EML5: variants seen among roughly 807,000 people sequenced by gnomAD.
EML5 encodes the protein EMAP like 5, also known as echinoderm microtubule-associated protein-like 5.
In EML5, 120 loss-of-function variants were observed where a neutral mutation model predicts 250.0. The observed-to-expected ratio is 0.48, with a 90% CI of 0.41 to 0.56. The LOEUF is 0.56. Among genes scored for constraint, EML5 ranks in the 20% least tolerant of loss-of-function variants. EML5 has a pLI of 0.00. For missense variants in EML5, 2,006 were observed against 2,437.6 expected (o/e 0.82, Z 3.73); for synonymous variants, 771 against 806.5 (o/e 0.96, Z 0.75).
At chr14:88,702,683 CA>C in intron 13 of EML5, 51 bp from the exon 14 acceptor site, 2 of 1,321,268 alleles carry the variant, frequency 1.5e-6, no homozygotes, top group Non-Finnish European at 2.1e-6. Context: ...TTTATCTGAT[CA>C]ATACAGAATA....
intron 2 of EML5, among the ~76,000 whole-genome samples, chr14:88,752,910 A>G (rs1178807244): frequency 2.0e-5 from 3 of 152,148 alleles, no homozygotes; most frequent in Non-Finnish European, 4.4e-5. Flanking sequence ...TCCCCTCTCC[A>G]GTTCGCCATA....
intron 21 of EML5, among the ~76,000 whole-genome samples, chr14:88,669,665 C>A (rs2092404306): frequency 6.6e-6 from 1 of 152,186 alleles, no homozygotes; most frequent in African/African-American, 2.4e-5. Context: ...TTCCCTCTAC[C>A]AGCTCTGAGG....
At chr14:88,647,189 C>T (rs1181682125) in intron 28 of EML5, among the ~76,000 whole-genome samples, 4 of 151,788 alleles carry the variant, frequency 2.6e-5, no homozygotes, top group African/African-American at 7.3e-5. Context: ...GGTGAAATCC[C>T]GTCTCTACTA....
chr14:88,735,192 C>T (rs936856487), intron 7 of EML5, among the ~76,000 whole-genome samples: 2 of 152,124 alleles, frequency 1.3e-5, no homozygotes, highest in Admixed American at 1.3e-4. Context: ...AATCACAAAT[C>T]GCTCAATTTC....
chr14:88,727,401 A>AT (rs3055841), intron 7 of EML5, among the ~76,000 whole-genome samples: 3,608 of 131,658 alleles, frequency 0.027, 172 homozygotes, highest in African/African-American at 0.073. Flanking sequence ...GATACACTGC[A>AT]TTTTTTTTTT....
chr14:88,665,303 G>A, intron 22 of EML5, 34 bp downstream of exon 22: 1 of 1,586,208 alleles, frequency 6.3e-7, no homozygotes, highest in South Asian at 1.2e-5. Flanking sequence ...CCAGACCCAA[G>A]TTAATACTCA....
chr14:88,653,988 G>C (rs114635838), intron 27 of EML5, among the ~76,000 whole-genome samples: 1,980 of 152,136 alleles, frequency 0.013, 47 homozygotes, highest in African/African-American at 0.044. Context: ...TCTATTCAGG[G>C]ATTCCACTTC....
chr14:88,752,394 AG>A (rs563397469), intron 2 of EML5, among the ~76,000 whole-genome samples: 26 of 152,348 alleles, frequency 1.7e-4, no homozygotes, highest in African/African-American at 6.3e-4. Context: ...GCTATGAAAT[AG>A]GTATTATTTC....
In EML5 at chr14:88,763,600, C is replaced by T. The variant is rs192516848; in HGVS notation, c.198-8929G>A. 4.6e-5 allele frequency among the ~76,000 whole-genome samples: 7 copies of T among 152,308 alleles called. No homozygotes were observed. The East Asian group carries it at 1.4e-3, about 29-fold the overall frequency. ...ATACAAAGAGGAGCTGGTACCATTC[C>T]TTCCAGAACACTTCCAAACAATAGA... On this transcript the variant is annotated intron_variant, in intron 1 of 43. Coordinates refer to ENST00000554922, the MANE Select transcript of EML5 (RefSeq NM_183387.3).
At chr14:88,656,368 C>T (rs1464379833) in intron 27 of EML5, among the ~76,000 whole-genome samples, 1 of 152,042 alleles carries the variant, frequency 6.6e-6, no homozygotes, top group Non-Finnish European at 1.5e-5. Flanking sequence ...AACACAGGAA[C>T]AGAAAACCAA....
At position 88,685,015 on chromosome 14, in the gene EML5, C is replaced by A; in HGVS notation, c.2982G>T (p.Gln994His). 6.3e-7 allele frequency: 1 copy of A among 1,589,656 alleles called. No individual in the cohort carries two copies. The part of the protein sequence containing the change: ...DKSGPITLLV[Q>H]GHMEGEVWGL... ...AAAACAAATTAGCATTTAAAATTAC[C>A]TGAACCAGAAGTGTTATTGGGCCAC... The change falls in exon 20 of 44, where the codon CAG becomes CAT. Residue 994 changes from glutamine (Q) to histidine (H), a missense_variant and splice_region_variant. Physicochemically the swap from Gln to His is conservative, Grantham distance 24. Around this residue, in one of 7 missense-constraint regions of EML5, gnomAD observed 1,375 missense variants for 1,590.3 expected, o/e 0.86. Transcript: ENST00000554922.
In EML5 at chr14:88,687,080, T is replaced by C. The variant is rs543549479; in HGVS notation, c.2854+136A>G. 4 of 647,218 alleles carry C rather than the reference T, an allele frequency of 6.2e-6. No individual in the cohort carries two copies. In the East Asian group the frequency reaches 1.3e-4, roughly 20 times the overall value. The allele number at this position is 647,218 out of a possible 1,614,324, so 40.1% of individuals were successfully genotyped here. ...GCAATGATTCTGGTATCCAGTTAAGTGATTTCTTCCACTTAATTCTGATGC... is the reference window on the plus strand; with the variant it reads ...GCAATGATTCTGGTATCCAGTTAAGCGATTTCTTCCACTTAATTCTGATGC... On this transcript the variant is annotated intron_variant, in intron 19 of 43. Coordinates refer to ENST00000554922, the MANE Select transcript of EML5 (RefSeq NM_183387.3).
At chr14:88,684,892 A>G (rs1280280593) in intron 20 of EML5, 123 bp downstream of exon 20, 12 of 876,002 alleles carry the variant, frequency 1.4e-5, no homozygotes, top group Non-Finnish European at 1.8e-5. Context: ...TTTTTTCTGT[A>G]TACATTAACA....
chr14:88,746,693 A>G (rs972184762), intron 2 of EML5, among the ~76,000 whole-genome samples: 7 of 152,180 alleles, frequency 4.6e-5, no homozygotes, highest in African/African-American at 1.7e-4. Flanking sequence ...GCATCGGGTG[A>G]ATACTTGTAC....
chr14:88,788,579 C>T (rs1415959024), intron 1 of EML5, among the ~76,000 whole-genome samples: 1 of 151,164 alleles, frequency 6.6e-6, no homozygotes, highest in Non-Finnish European at 1.5e-5. Context: ...CTACTTAATA[C>T]ATAAACAATG....
intron 32 of EML5, among the ~76,000 whole-genome samples, chr14:88,638,065 A>G (rs1462909055): frequency 6.6e-6 from 1 of 152,238 alleles, no homozygotes; most frequent in African/African-American, 2.4e-5. Flanking sequence ...AGGGACCTGG[A>G]AAGCTAGCTT....
In EML5 at chr14:88,622,764, A is replaced by G. The variant is rs375050237; in HGVS notation, c.4899-46T>C. On this transcript the variant is annotated intron_variant, in intron 36 of 43. Coordinates refer to ENST00000554922, the MANE Select transcript of EML5 (RefSeq NM_183387.3). ...GAGTAAGTGTTCATTATTGGCTACT[A>G]TAATTTTTATTATAAACAAATACCA... 8 of 1,351,132 alleles carry G rather than the reference A, an allele frequency of 5.9e-6. No individual in the cohort carries two copies. The African/African-American group carries it at 5.9e-5, about 10-fold the overall frequency. The allele number at this position is 1,351,132 out of a possible 1,614,324, so 83.7% of individuals were successfully genotyped here.
chr14:88,706,183 A>G (rs2093314464), intron 11 of EML5, 76 bp downstream of exon 11: 1 of 1,349,790 alleles, frequency 7.4e-7, no homozygotes, highest in Non-Finnish European at 1.0e-6. Flanking sequence ...ATTATACTTT[A>G]ATATAAAATT....
chr14:88,740,465 T>C lies in EML5; in HGVS notation c.633A>G (p.Thr211=). The C allele has an allele frequency of 6.2e-7, 1 of 1,613,906 alleles. No homozygotes were observed. The highest frequency in any genetic ancestry group is 8.5e-7 in the Non-Finnish European group (1 of 1,179,828). ...TATCCCCATTGAGTGCACCAGAATA[T>C]GTTAATTCATCCCTTGCACAGGCTA... ...LCLACARDEL[T]YSGALNGDIY... The change falls in exon 5 of 44, where the codon ACA becomes ACG. Residue 211 remains threonine, a synonymous_variant. Coordinates refer to ENST00000554922, the MANE Select transcript of EML5 (RefSeq NM_183387.3).
Sources: gnomAD v4.1 joint callset for allele counts (sites outside exome capture counted in the v4.1 genomes callset) on GRCh38, gnomAD v4.1.1 for gene constraint, gnomAD v4.1.1 regional missense constraint, MANE v1.5 for transcripts, NCBI Gene and HGNC (gene_info 2026-07-23, HGNC 2026-07-21) for gene names.